Variants in CLVS1 observed in about 807,000 individuals in gnomAD.
CLVS1 encodes clavesin 1.
CLVS1 carries 10 observed loss-of-function variants against 33.1 expected under a neutral mutation model. The observed-to-expected ratio is 0.30, with a 90% CI of 0.19 to 0.51. The LOEUF (loss-of-function observed/expected upper bound fraction) is 0.51. CLVS1 is among the 20% of genes least tolerant of loss of function. The pLI, the probability that CLVS1 is intolerant of heterozygous loss-of-function variation, is 0.97. For synonymous variants in CLVS1, 163 were observed against 166.1 expected (o/e 0.98, Z 0.14); for missense variants, 343 against 433.4 (o/e 0.79, Z 1.85).
At chr8:61,351,129 A>T (rs544455797) in intron 2 of CLVS1, among the ~76,000 whole-genome samples, 10 of 152,212 alleles carry the variant, frequency 6.6e-5, no homozygotes, top group African/African-American at 2.4e-4. Context: ...GGAGCATCCC[A>T]GGATGTTCTA....
At chr8:61,383,205 C>T (rs1445864647) in intron 3 of CLVS1, among the ~76,000 whole-genome samples, 1 of 152,068 alleles carries the variant, frequency 6.6e-6, no homozygotes, top group Non-Finnish European at 1.5e-5. Flanking sequence ...ATTGGTGTCA[C>T]CTGCCCACGC....
chr8:61,175,604 G>C (rs1807098297), intron 2 of CLVS1, among the ~76,000 whole-genome samples: 1 of 152,180 alleles, frequency 6.6e-6, no homozygotes, highest in African/African-American at 2.4e-5. Context: ...GTCCTTATAA[G>C]AAGAGAGAGA....
chr8:61,016,752 C>G, the CLVS1 span, among the ~76,000 whole-genome samples: 4 of 152,200 alleles, frequency 2.6e-5, no homozygotes, highest in African/African-American at 9.6e-5. Context: ...AGCAGTTTTC[C>G]GAGACTCCCC....
intron 2 of CLVS1, among the ~76,000 whole-genome samples, chr8:61,276,904 A>T (rs1474632664): frequency 6.6e-6 from 1 of 152,224 alleles, no homozygotes; most frequent in Non-Finnish European, 1.5e-5. Flanking sequence ...CAATGTCCCA[A>T]ATAGATCCGA....
Position 61,373,192 on chromosome 8 carries a change from A to G in CLVS1, c.456-3413A>G, listed in dbSNP as rs770851341. ...ACGAGGAAATTCATACAAGGAAGCC[A>G]AGAACTAAGGAAATCAAGGTAATGA... On this transcript the variant is annotated intron_variant, in intron 2 of 5. Transcript: ENST00000325897. Among the ~76,000 whole-genome samples, 71 of 152,332 alleles carry G rather than the reference A, an allele frequency of 4.7e-4. 1 individual carries two copies. The Middle Eastern group carries it at 0.017, about 36-fold the overall frequency.
the CLVS1 span, among the ~76,000 whole-genome samples, chr8:61,045,696 G>A: frequency 6.6e-6 from 1 of 152,198 alleles, no homozygotes; most frequent in Non-Finnish European, 1.5e-5. Flanking sequence ...CATCATGACT[G>A]ACTGAGGAAA....
chr8:61,336,201 T>G (rs1811792536), intron 2 of CLVS1, among the ~76,000 whole-genome samples: 1 of 152,122 alleles, frequency 6.6e-6, no homozygotes, highest in South Asian at 2.1e-4. Flanking sequence ...TCACCATATA[T>G]CCTCCTTGAG....
At chr8:61,144,162 C>T (rs1174338667) in intron 2 of CLVS1, among the ~76,000 whole-genome samples, 1 of 152,052 alleles carries the variant, frequency 6.6e-6, no homozygotes, top group African/African-American at 2.4e-5. Context: ...CAACCCATCA[C>T]CTACCTTAGG....
chr8:61,088,088 G>A lies in CLVS1; in HGVS notation c.-243+30858G>A, dbSNP rs191095859. Among the ~76,000 whole-genome samples, 135 of 152,290 alleles carry A rather than the reference G, an allele frequency of 8.9e-4. 1 individual carries two copies. The East Asian group carries it at 0.021, about 24-fold the overall frequency. ...TTAAATGACATCAAACTATATGTAT[G>A]CATTTTTCAATTAATTGTGTGCTTC... On this transcript the variant is annotated intron_variant, in intron 1 of 2. Transcript: ENST00000522621.
chr8:61,437,138 A>G (rs1480206229), intron 3 of CLVS1, among the ~76,000 whole-genome samples: 2 of 152,158 alleles, frequency 1.3e-5, no homozygotes, highest in African/African-American at 2.4e-5. Context: ...CCTTTGCTAT[A>G]AGGTCATGCA....
intron 2 of CLVS1, among the ~76,000 whole-genome samples, chr8:61,345,845 A>T (rs940966464): frequency 6.6e-6 from 1 of 151,968 alleles, no homozygotes; most frequent in Non-Finnish European, 1.5e-5. Flanking sequence ...GAGAAATGAG[A>T]TCTTGTGGCT....
At chr8:61,135,742 T>A (rs1446498224) in intron 2 of CLVS1, among the ~76,000 whole-genome samples, 4 of 152,104 alleles carry the variant, frequency 2.6e-5, no homozygotes, top group Non-Finnish European at 5.9e-5. Context: ...GATCTGGGGG[T>A]CTTTAGCATC....
chr8:61,099,969 A>G (rs536079594), intron 1 of CLVS1, among the ~76,000 whole-genome samples: 1 of 152,222 alleles, frequency 6.6e-6, no homozygotes, highest in Non-Finnish European at 1.5e-5. Flanking sequence ...CAAAGAAAAG[A>G]GGGTGATAAA....
chr8:61,347,870 G>A (rs1326288877), intron 2 of CLVS1, among the ~76,000 whole-genome samples: 4 of 151,134 alleles, frequency 2.6e-5, no homozygotes, highest in African/African-American at 9.7e-5. Context: ...CATAATGGCT[G>A]TACCAATTTA....
At chr8:61,002,571 A>T in the CLVS1 span, among the ~76,000 whole-genome samples, 1 of 151,630 alleles carries the variant, frequency 6.6e-6, no homozygotes, top group Non-Finnish European at 1.5e-5. Flanking sequence ...TGACCTCATG[A>T]TCCACCTGCC....
chr8:61,113,231 G>C (rs1277248134), intron 1 of CLVS1, among the ~76,000 whole-genome samples: 1 of 152,140 alleles, frequency 6.6e-6, no homozygotes, highest in African/African-American at 2.4e-5. Flanking sequence ...GGAGTTGTGG[G>C]GTGATGCAGG....
the CLVS1 span, among the ~76,000 whole-genome samples, chr8:61,009,323 TTTTTTGTAGATACAGGG>T: frequency 6.6e-6 from 1 of 152,174 alleles, no homozygotes; most frequent in African/African-American, 2.4e-5. Flanking sequence ...AATCTTTTAA[TTTTTTGTAGATACAGGG>T]TCTCCCTGTG....
Position 61,288,067 on chromosome 8 carries a change from A to C in CLVS1, c.-223A>C. ...CGAACCTGCCAGAATAGGGGATCTCACCCACCCAGTTCAGCAGCGAGGACA... is the reference window on the plus strand; with the variant it reads ...CGAACCTGCCAGAATAGGGGATCTCCCCCACCCAGTTCAGCAGCGAGGACA... On this transcript the variant is annotated 5_prime_UTR_variant, in exon 1 of 6. Coordinates refer to ENST00000325897, the MANE Select transcript of CLVS1 (RefSeq NM_173519.3). The C allele has an allele frequency of 2.2e-6, 1 of 455,750 alleles. No homozygotes were observed. Among genetic ancestry groups the C allele is most frequent in the South Asian group, 1.5e-5 (1 of 64,532 alleles). 28.2% of individuals were successfully genotyped at this position (455,750 alleles called of 1,614,324 possible). A position where few individuals can be genotyped will look rare whatever the true frequency, so the allele number is the denominator to read the frequency against.
chr8:61,024,474 A>G, the CLVS1 span, among the ~76,000 whole-genome samples: 1 of 152,186 alleles, frequency 6.6e-6, no homozygotes, highest in Admixed American at 6.5e-5. Context: ...GTTTGCTCAC[A>G]TTTTCAAGTA....
Sources: gnomAD v4.1 joint callset for allele counts (sites outside exome capture counted in the v4.1 genomes callset) on GRCh38, gnomAD v4.1.1 for gene constraint, MANE v1.5 for transcripts, NCBI Gene and HGNC (gene_info 2026-07-23, HGNC 2026-07-21) for gene names.